The following TRAPPC12 variants were observed in gnomAD, a reference collection of about 807,000 sequenced individuals.
TRAPPC12 encodes the protein trafficking protein particle complex subunit 12.
TRAPPC12 carries 61 observed loss-of-function variants against 69.2 expected under a neutral mutation model. The observed-to-expected ratio is 0.88, with a 90% CI of 0.72 to 1.09. The LOEUF is 1.09. Among genes scored for constraint, TRAPPC12 ranks in the 50% least tolerant of loss-of-function variants. TRAPPC12 has a pLI of 0.00. For synonymous variants in TRAPPC12, 469 were observed against 438.9 expected (o/e 1.07, Z -0.86); for missense variants, 1,101 against 1,016.4 (o/e 1.08, Z -1.13).
At chr2:3,473,243 G>C (rs13429373) in intron 9 of TRAPPC12, among the ~76,000 whole-genome samples, 3 of 152,006 alleles carry the variant, frequency 2.0e-5, no homozygotes, top group Non-Finnish European at 4.4e-5. Context: ...GCTCACGCCG[G>C]GACGGGAAGA....
intron 2 of TRAPPC12, among the ~76,000 whole-genome samples, chr2:3,400,191 G>C (rs1352544430): frequency 6.6e-6 from 1 of 152,212 alleles, no homozygotes; most frequent in African/African-American, 2.4e-5. Context: ...AGGCATTTCA[G>C]GGACCTCAGA....
chr2:3,458,078 G>A (rs1352594052), intron 7 of TRAPPC12: 4 of 800,042 alleles, frequency 5.0e-6, no homozygotes, highest in East Asian at 1.3e-4. Context: ...CCTCTGCGTC[G>A]GGGACAGAGG....
intron 2 of TRAPPC12, among the ~76,000 whole-genome samples, chr2:3,397,505 A>G (rs913072537): frequency 1.3e-5 from 2 of 152,166 alleles, no homozygotes; most frequent in Non-Finnish European, 2.9e-5. Flanking sequence ...CTGCCTTCAG[A>G]GCTGCACTCT....
At chr2:3,470,833 G>A (rs943148453) in intron 9 of TRAPPC12, among the ~76,000 whole-genome samples, 6 of 152,198 alleles carry the variant, frequency 3.9e-5, no homozygotes, top group Non-Finnish European at 8.8e-5. Context: ...AAAATATGCA[G>A]ACACCTTTGG....
chr2:3,406,864 C>T (rs1163572166), intron 3 of TRAPPC12, among the ~76,000 whole-genome samples: 1 of 152,114 alleles, frequency 6.6e-6, no homozygotes, highest in East Asian at 1.9e-4. Flanking sequence ...TTTGATCGTT[C>T]CTGTTATTAA....
At chr2:3,477,616 G>T (rs1666349372) in intron 9 of TRAPPC12, 79 bp from the exon 10 acceptor site, 3 of 727,518 alleles carry the variant, frequency 4.1e-6, no homozygotes, top group Non-Finnish European at 2.2e-6. Flanking sequence ...ATTCTAACAT[G>T]ATATTAGGGA....
At chr2:3,402,402 C>T (rs554618122) in intron 3 of TRAPPC12, among the ~76,000 whole-genome samples, 68 of 152,072 alleles carry the variant, frequency 4.5e-4, no homozygotes, top group Admixed American at 9.2e-4. Flanking sequence ...CCAGCCTGGC[C>T]AACATGGTGA....
At chr2:3,435,978 T>C (rs1231974861) in intron 5 of TRAPPC12, among the ~76,000 whole-genome samples, 1 of 152,224 alleles carries the variant, frequency 6.6e-6, no homozygotes, top group African/African-American at 2.4e-5. Context: ...ACCTTTGAGT[T>C]AGCGAATTTT....
In TRAPPC12 at chr2:3,477,620, T is replaced by C. The variant is rs995397581; in HGVS notation, c.1777-75T>C. 3 of 768,206 alleles carry C rather than the reference T, an allele frequency of 3.9e-6. No individual in the cohort carries two copies. The African/African-American group carries it at 5.4e-5, about 14-fold the overall frequency. 47.6% of individuals were successfully genotyped at this position (768,206 alleles called of 1,614,324 possible). ...AATGTCTTCATATTCTAACATGATA[T>C]TAGGGAACTAAATATATGAGTATAG... On this transcript the variant is annotated intron_variant, in intron 9 of 11. Transcript: ENST00000324266.
chr2:3,432,871 T>C (rs60990732), intron 5 of TRAPPC12, among the ~76,000 whole-genome samples: 4,016 of 152,354 alleles, frequency 0.026, 166 homozygotes, highest in African/African-American at 0.091. Flanking sequence ...CACTGGGCTG[T>C]AGCTGAAGCC....
chr2:3,391,998 C>G (rs778024461), intron 2 of TRAPPC12, among the ~76,000 whole-genome samples: 2 of 152,230 alleles, frequency 1.3e-5, no homozygotes, highest in Non-Finnish European at 2.9e-5. Flanking sequence ...AAGACTTAAC[C>G]TATTGCTTCC....
chr2:3,391,187 C>T (rs971056839), intron 2 of TRAPPC12, among the ~76,000 whole-genome samples: 2 of 152,114 alleles, frequency 1.3e-5, no homozygotes, highest in South Asian at 2.1e-4. Flanking sequence ...CATGACGGGG[C>T]GCCCCACCTC....
At chr2:3,423,336 G>T (rs1449909684) in intron 4 of TRAPPC12, among the ~76,000 whole-genome samples, 1 of 151,910 alleles carries the variant, frequency 6.6e-6, no homozygotes, top group Non-Finnish European at 1.5e-5. Flanking sequence ...GTGTGTGTGT[G>T]TGTGTGTGTG....
In TRAPPC12 at chr2:3,387,730, T is replaced by A. The variant is rs1333921927; in HGVS notation, c.107T>A (p.Ile36Asn). 3.1e-6 allele frequency: 5 copies of A among 1,606,640 alleles called. No homozygotes were observed. Among genetic ancestry groups the A allele is most frequent in the Non-Finnish European group, 4.2e-6 (5 of 1,176,546 alleles). ...EQGLLFQEET[I>N]DLGGDEFGSE... is the part of the protein sequence containing the mutation. ...GGGTTGCTCTTCCAGGAGGAAACCA[T>A]CGATCTTGGCGGAGATGAGTTTGGA... The change falls in exon 2 of 12, where the codon ATC becomes AAC. Residue 36 changes from isoleucine (I) to asparagine (N), a missense_variant. Physicochemically the swap from Ile to Asn is moderately radical, Grantham distance 149. Transcript: ENST00000324266.
intron 5 of TRAPPC12, among the ~76,000 whole-genome samples, chr2:3,432,141 T>C (rs1057291516): frequency 5.3e-5 from 8 of 152,246 alleles, no homozygotes; most frequent in East Asian, 1.9e-4. Context: ...TTATCTTCAC[T>C]ATGCAGTTTA....
At chr2:3,438,730 C>T (rs1664031344) in intron 5 of TRAPPC12, among the ~76,000 whole-genome samples, 1 of 152,052 alleles carries the variant, frequency 6.6e-6, no homozygotes, top group African/African-American at 2.4e-5. Context: ...TAGGAATGTG[C>T]ATTTAGGGTT....
At chr2:3,401,731 G>T in intron 2 of TRAPPC12, 46 bp from the exon 3 acceptor site, 2 of 1,358,164 alleles carry the variant, frequency 1.5e-6, no homozygotes, top group Non-Finnish European at 2.0e-6. Context: ...GCTGAGTTTA[G>T]TTGACATTTT....
chr2:3,394,873 G>T (rs993249879), intron 2 of TRAPPC12, among the ~76,000 whole-genome samples: 3 of 152,118 alleles, frequency 2.0e-5, no homozygotes, highest in Non-Finnish European at 4.4e-5. Context: ...ACCACAAAGG[G>T]CTCTCTAGGT....
rs533477441 is a variant in TRAPPC12, at chr2:3,472,242, C to T, written c.1777-5453C>T. ...AGAAGGGAAGGAAGGGCCAGGGAAGCGCTGTGAAGCTGGGAAAGACTTGAG... is the reference window on the plus strand; with the variant it reads ...AGAAGGGAAGGAAGGGCCAGGGAAGTGCTGTGAAGCTGGGAAAGACTTGAG... On this transcript the variant is annotated intron_variant, in intron 9 of 11. Coordinates refer to ENST00000324266, the MANE Select transcript of TRAPPC12 (RefSeq NM_016030.6). 5.3e-5 allele frequency among the ~76,000 whole-genome samples: 8 copies of T among 152,234 alleles called. No individual in the cohort carries two copies. In the South Asian group the frequency reaches 1.7e-3, roughly 32 times the overall value.
Sources: allele counts gnomAD v4.1 joint callset (sites outside exome capture counted in the v4.1 genomes callset), GRCh38; gene constraint gnomAD v4.1.1; transcripts MANE v1.5; gene names NCBI Gene and HGNC (gene_info 2026-07-23, HGNC 2026-07-21).